The following PRKAR1A variants were observed in gnomAD, a reference collection of about 807,000 sequenced individuals.
PRKAR1A encodes protein kinase cAMP-dependent type I regulatory subunit alpha.
In PRKAR1A, 3 loss-of-function variants were observed where a neutral mutation model predicts 52.0. The ratio of observed to expected loss-of-function variants is 0.06; its 90% CI spans 0.03 to 0.15. The LOEUF (loss-of-function observed/expected upper bound fraction) is 0.15. Among genes scored for constraint, PRKAR1A ranks in the 10% least tolerant of loss-of-function variants. PRKAR1A has a pLI of 1.00. For synonymous variants in PRKAR1A, 188 were observed against 168.4 expected (o/e 1.12, Z -0.90); for missense variants, 240 against 477.4 (o/e 0.50, Z 4.63).
Position 68,522,816 on chromosome 17 carries a change from G to T in PRKAR1A, c.238G>T (p.Asp80Tyr), listed in dbSNP as rs762678902. ...AGGCACTCGTACAGACTCAAGGGAG[G>T]ATGAGATTTCTCCTCCTCCACCCAA... is the stretch of plus-strand genomic sequence containing the variant. ...KAGTRTDSRE[D>Y]EISPPPPNPV... The change falls in exon 3 of 11, where the codon GAT (aspartate) becomes TAT (tyrosine). Residue 80 changes from aspartate to tyrosine, a missense_variant. Asp to Tyr is a radical substitution (Grantham distance 160). Transcript: ENST00000589228. 2.5e-5 allele frequency: 41 copies of T among 1,613,942 alleles called. No homozygotes were observed. The Admixed American group carries it at 6.7e-4, about 26-fold the overall frequency.
chr17:68,516,538 T>G (rs1490748721), intron 2 of PRKAR1A, among the ~76,000 whole-genome samples: 1 of 152,084 alleles, frequency 6.6e-6, no homozygotes, highest in Non-Finnish European at 1.5e-5. Context: ...GATTATCTAA[T>G]TGTATAATAG....
chr17:68,515,689 A>G, intron 2 of PRKAR1A, 113 bp downstream of exon 2: 1 of 1,271,280 alleles, frequency 7.9e-7, no homozygotes, highest in Non-Finnish European at 1.1e-6. Flanking sequence ...CTAAATAAAA[A>G]GTCTAAAACA....
chr17:68,435,871 T>G, the PRKAR1A span, among the ~76,000 whole-genome samples: 1 of 152,258 alleles, frequency 6.6e-6, no homozygotes, highest in Non-Finnish European at 1.5e-5. Flanking sequence ...GTGTGTCATT[T>G]TCTGGTGAAT....
At chr17:68,496,802 T>G in the PRKAR1A span, among the ~76,000 whole-genome samples, 1,275 of 148,764 alleles carry the variant, frequency 8.6e-3, 28 homozygotes, top group African/African-American at 0.03. Flanking sequence ...TGTACAGCTC[T>G]TAAGCTTAGT....
downstream of PRKAR1A, chr17:68,536,301 G>C (rs1271441655): frequency 2.2e-6 from 1 of 454,006 alleles, no homozygotes; most frequent in South Asian, 1.6e-5. Flanking sequence ...ATGAAATGAG[G>C]CATTTTTACT....
intron 2 of PRKAR1A, among the ~76,000 whole-genome samples, chr17:68,516,567 T>C (rs1226128819): frequency 6.6e-6 from 1 of 152,130 alleles, no homozygotes; most frequent in East Asian, 1.9e-4. Flanking sequence ...TGCTTTATTT[T>C]CCATTGGTTT....
intron 11 of PRKAR1A, chr17:68,541,236 G>T (rs994990442): frequency 1.4e-5 from 6 of 442,834 alleles, no homozygotes; most frequent in Admixed American, 6.9e-5. Flanking sequence ...CAGGAAAGGA[G>T]GAGGTAGTGA....
At chr17:68,491,799 A>AT in the PRKAR1A span, among the ~76,000 whole-genome samples, 3 of 152,090 alleles carry the variant, frequency 2.0e-5, no homozygotes, top group African/African-American at 7.3e-5. Context: ...AAAAAAAAAA[A>AT]GAAAAAAGTA....
chr17:68,418,790 G>C, the PRKAR1A span, among the ~76,000 whole-genome samples: 183 of 152,258 alleles, frequency 1.2e-3, 1 homozygote, highest in African/African-American at 4.2e-3. Context: ...GGAGCCACTG[G>C]AAGAATTTCT....
the PRKAR1A span, among the ~76,000 whole-genome samples, chr17:68,460,233 T>A: frequency 6.6e-6 from 1 of 152,354 alleles, no homozygotes; most frequent in South Asian, 2.1e-4. Context: ...AGCTGGTGGC[T>A]ACTTTATTCT....
chr17:68,525,169 G>A (rs2085748292), intron 6 of PRKAR1A, among the ~76,000 whole-genome samples: 1 of 151,882 alleles, frequency 6.6e-6, no homozygotes, highest in Non-Finnish European at 1.5e-5. Context: ...GTGAAGAAGT[G>A]TGTGTAGCTG....
chr17:68,498,630 T>C, the PRKAR1A span, among the ~76,000 whole-genome samples: 1 of 152,256 alleles, frequency 6.6e-6, no homozygotes, highest in Non-Finnish European at 1.5e-5. Context: ...CCTTATCTCC[T>C]GCAGCCTTGG....
chr17:68,495,073 C>T, the PRKAR1A span, among the ~76,000 whole-genome samples: 1 of 152,136 alleles, frequency 6.6e-6, no homozygotes, highest in Non-Finnish European at 1.5e-5. Context: ...CTGGGTCTTG[C>T]TCTGTTTCCC....
rs1568687812 is a variant in PRKAR1A at position 68,515,367 on chromosome 17, A to G, written c.-6-27A>G. On this transcript the variant is annotated intron_variant, in intron 1 of 10. Transcript: ENST00000589228. ...TGACATTTTGCTTTATAGTTTATACAAGCATGTGTGTGTTTTTTTCTCGCA... is the reference window on the plus strand; with the variant it reads ...TGACATTTTGCTTTATAGTTTATACGAGCATGTGTGTGTTTTTTTCTCGCA... 5 of 1,611,916 alleles carry G rather than the reference A, an allele frequency of 3.1e-6. No homozygotes were observed. In the East Asian group the frequency reaches 1.1e-4, roughly 36 times the overall value.
At chr17:68,551,074 T>A (rs2086812761) in intron 11 of PRKAR1A, 1 of 1,234,216 alleles carries the variant, frequency 8.1e-7, no homozygotes, top group African/African-American at 1.6e-5. Flanking sequence ...GGCGATTTTC[T>A]TTTCTGCAGG....
At chr17:68,433,451 C>T in the PRKAR1A span, 2 of 1,608,940 alleles carry the variant, frequency 1.2e-6, no homozygotes, top group Non-Finnish European at 1.7e-6. Context: ...GCATTTGGTG[C>T]CCCGCGGAGT....
At chr17:68,458,446 T>G in the PRKAR1A span, among the ~76,000 whole-genome samples, 32 of 152,148 alleles carry the variant, frequency 2.1e-4, 1 homozygote, top group South Asian at 3.1e-3. Flanking sequence ...AGGACAGAAA[T>G]GACTGCAGCA....
intron 5 of PRKAR1A, among the ~76,000 whole-genome samples, chr17:68,524,536 ATTTTC>A (rs2085722311): frequency 6.6e-6 from 1 of 151,568 alleles, no homozygotes; most frequent in Admixed American, 6.6e-5. Context: ...TCCTCTTTTT[ATTTTC>A]TTATTTATTC....
At chr17:68,520,496 A>G (rs917119934) in intron 2 of PRKAR1A, among the ~76,000 whole-genome samples, 1 of 152,182 alleles carries the variant, frequency 6.6e-6, no homozygotes, top group Non-Finnish European at 1.5e-5. Context: ...GTATGTTTTT[A>G]TGGAGTACAT....
Sources: allele counts gnomAD v4.1 joint callset (sites outside exome capture counted in the v4.1 genomes callset), GRCh38; gene constraint gnomAD v4.1.1; transcripts MANE v1.5; gene names NCBI Gene and HGNC (gene_info 2026-07-23, HGNC 2026-07-21).